The following IARS1 variants were observed in gnomAD, a reference collection of about 807,000 sequenced individuals.
IARS1 encodes the protein isoleucine--tRNA ligase, cytoplasmic.
Under a neutral mutation model 168.2 loss-of-function variants are expected in IARS1, and 124 were observed. The ratio of observed to expected loss-of-function variants is 0.74; its 90% CI spans 0.64 to 0.86. The LOEUF (loss-of-function observed/expected upper bound fraction) is 0.86, where lower values mean the gene tolerates loss of function less well. IARS1 is among the 40% of genes least tolerant of loss of function. IARS1 has a pLI of 0.00. For synonymous variants in IARS1, 532 were observed against 529.4 expected (o/e 1.00, Z -0.07); for missense variants, 1,452 against 1,515.8 (o/e 0.96, Z 0.70).
chr9:92,287,082 T>C (rs111662910), intron 4 of IARS1, among the ~76,000 whole-genome samples: 2 of 152,226 alleles, frequency 1.3e-5, no homozygotes, highest in African/African-American at 4.8e-5. Context: ...CAATGTGACA[T>C]AGCCGCAACA....
chr9:92,227,406 C>T (rs1229943906), intron 31 of IARS1, among the ~76,000 whole-genome samples: 1 of 143,048 alleles, frequency 7.0e-6, no homozygotes, highest in African/African-American at 2.7e-5. Context: ...CCCTCACCTC[C>T]CGGACAGGGC....
At chr9:92,240,256 T>A (rs1438835424) in intron 30 of IARS1, 1 of 172,342 alleles carries the variant, frequency 5.8e-6, no homozygotes. Context: ...TTTAGTGGAT[T>A]CATTTTTCTT....
At chr9:92,248,048 A>G (rs78301303) in intron 25 of IARS1, among the ~76,000 whole-genome samples, 110 of 152,364 alleles carry the variant, frequency 7.2e-4, no homozygotes, top group African/African-American at 2.6e-3. Flanking sequence ...TAAGAAGAAA[A>G]TGCTTGTTAT....
chr9:92,236,555 G>A (rs1460434342), intron 30 of IARS1, among the ~76,000 whole-genome samples: 3 of 152,098 alleles, frequency 2.0e-5, no homozygotes, highest in Non-Finnish European at 2.9e-5. Context: ...TAGAAACAGG[G>A]TTCACTTCAG....
chr9:92,236,620 G>GCCAGA (rs1402081411), intron 30 of IARS1, among the ~76,000 whole-genome samples: 10 of 152,160 alleles, frequency 6.6e-5, no homozygotes. Context: ...GCCAAAGAAG[G>GCCAGA]CCAGACCACT....
intron 25 of IARS1, among the ~76,000 whole-genome samples, chr9:92,248,802 A>G (rs977516985): frequency 1.6e-4 from 24 of 152,312 alleles, no homozygotes; most frequent in African/African-American, 5.5e-4. Context: ...CATTTTCTAT[A>G]ATAATGATTT....
chr9:92,241,588 C>T (rs1355950373), intron 29 of IARS1, among the ~76,000 whole-genome samples: 1 of 152,084 alleles, frequency 6.6e-6, no homozygotes, highest in Non-Finnish European at 1.5e-5. Context: ...GCGATCTGCT[C>T]GCCTTGGCCT....
intron 26 of IARS1, 52 bp downstream of exon 26, chr9:92,247,325 T>G (rs1294977029): frequency 3.3e-6 from 5 of 1,528,654 alleles, no homozygotes; most frequent in Non-Finnish European, 4.5e-6. Flanking sequence ...GCCTAAAAAG[T>G]ATCCCTCAGA....
chr9:92,289,200 C>A (rs1835925781), intron 2 of IARS1, 101 bp downstream of exon 2: 1 of 544,062 alleles, frequency 1.8e-6, no homozygotes, highest in Non-Finnish European at 3.2e-6. Flanking sequence ...GTGCGAGACT[C>A]CATCTCAAAA....
intron 33 of IARS1, among the ~76,000 whole-genome samples, chr9:92,218,102 A>G (rs1175534632): frequency 6.6e-6 from 1 of 152,158 alleles, no homozygotes; most frequent in Non-Finnish European, 1.5e-5. Flanking sequence ...CATCCCTGGG[A>G]TGCAAGGCTG....
chr9:92,270,356 T>C (rs558419779), intron 12 of IARS1, among the ~76,000 whole-genome samples: 1 of 152,322 alleles, frequency 6.6e-6, no homozygotes, highest in South Asian at 2.1e-4. Context: ...GTTAAAATCA[T>C]ATTAAATTTT....
In IARS1 at chr9:92,248,652, C is replaced by CAAAA. The variant is rs886459066; in HGVS notation, c.2617-1105_2617-1102dup. Among the ~76,000 whole-genome samples the CAAAA allele has an allele frequency of 1.7e-4, 8 of 46,712 alleles. 1 individual carries two copies. Among genetic ancestry groups the CAAAA allele is most frequent in the South Asian group, 1.5e-3 (2 of 1,322 alleles). 30.6% of individuals were successfully genotyped at this position (46,712 alleles called of 152,430 possible). The stretch of plus-strand genomic sequence containing the variant: ...TGGGTGACAGAGCGAGACCCTGTCA[C>CAAAA]AAAAAAAAAAAAAAAAAAAAAAAAA... On this transcript the variant is annotated intron_variant, in intron 25 of 33. Transcript: ENST00000443024.
chr9:92,247,354 C>T (rs1829361166), intron 26 of IARS1, 23 bp downstream of exon 26: 1 of 1,603,268 alleles, frequency 6.2e-7, no homozygotes, highest in African/African-American at 1.3e-5. Context: ...ATAAATGGTG[C>T]CCTTGTCTGT....
chr9:92,286,461 T>C, intron 5 of IARS1, 75 bp downstream of exon 5: 2 of 750,078 alleles, frequency 2.7e-6, no homozygotes, highest in Non-Finnish European at 4.6e-6. Flanking sequence ...AACTGATTCA[T>C]GCTAGTGCAT....
At position 92,258,960 on chromosome 9, in the gene IARS1, T is replaced by G. The variant is rs1831135827; in HGVS notation, c.1910A>C (p.Asn637Thr). ...LINSPVVRAE[N>T]LRFKEEGVRD... is the part of the protein sequence containing the mutation. ...CACACCCTCTTCTTTAAAGCGGAGG[T>G]TTTCTGCTCTCACCACAGGGGAGTT... Residue 637 changes from asparagine (N) to threonine (T), a missense_variant, in exon 19 of 34, where the codon AAC becomes ACC. Coordinates refer to ENST00000443024, the MANE Select transcript of IARS1 (RefSeq NM_002161.6). The G allele has an allele frequency of 3.1e-6, 5 of 1,612,650 alleles. No homozygotes were observed. The highest frequency in any genetic ancestry group is 4.2e-6 in the Non-Finnish European group (5 of 1,179,602).
intron 1 of IARS1, 148 bp from the exon 2 acceptor site, chr9:92,289,574 A>C (rs1361956952): frequency 1.0e-5 from 6 of 589,552 alleles, no homozygotes; most frequent in Non-Finnish European, 1.8e-5. Flanking sequence ...TGTAATGTAA[A>C]AAGTGTACAA....
intron 6 of IARS1, among the ~76,000 whole-genome samples, chr9:92,283,825 C>T (rs1347604577): frequency 6.6e-6 from 1 of 151,992 alleles, no homozygotes; most frequent in African/African-American, 2.4e-5. Context: ...AATGATTAAA[C>T]CATTAGAAAT....
intron 31 of IARS1, among the ~76,000 whole-genome samples, chr9:92,226,291 T>A (rs953956149): frequency 6.6e-6 from 1 of 152,202 alleles, no homozygotes; most frequent in African/African-American, 2.4e-5. Context: ...GAATGAGAGT[T>A]CCCATTATGC....
intron 33 of IARS1, among the ~76,000 whole-genome samples, chr9:92,217,086 GT>G (rs1838835483): frequency 4.7e-5 from 7 of 148,554 alleles, no homozygotes; most frequent in South Asian, 2.2e-4. Context: ...TCAGACCACA[GT>G]GCAATCAAAC....
Sources: allele counts gnomAD v4.1 joint callset (sites outside exome capture counted in the v4.1 genomes callset), GRCh38; gene constraint gnomAD v4.1.1; transcripts MANE v1.5; gene names NCBI Gene and HGNC (gene_info 2026-07-23, HGNC 2026-07-21).